Variants in ADIPOR2 observed in about 807,000 individuals in gnomAD.
ADIPOR2 encodes adiponectin receptor 2.
Under a neutral mutation model 40.9 loss-of-function variants are expected in ADIPOR2, and 18 were observed. That is an observed-to-expected ratio of 0.44 (90% CI 0.30 to 0.65). The LOEUF (loss-of-function observed/expected upper bound fraction) is 0.65. Among genes scored for constraint, ADIPOR2 ranks in the 30% least tolerant of loss-of-function variants. The pLI, the probability that ADIPOR2 is intolerant of heterozygous loss-of-function variation, is 0.09. For synonymous variants in ADIPOR2, 165 were observed against 166.4 expected (o/e 0.99, Z 0.06); for missense variants, 283 against 479.2 (o/e 0.59, Z 3.82).
intron 1 of ADIPOR2, among the ~76,000 whole-genome samples, chr12:1,753,675 G>C (rs1167626289): frequency 6.6e-6 from 1 of 152,102 alleles, no homozygotes; most frequent in African/African-American, 2.4e-5. Context: ...TATAAAGTAT[G>C]GTGAATTTTG....
chr12:1,767,587 A>T (rs970163335), intron 2 of ADIPOR2, among the ~76,000 whole-genome samples: 1 of 152,098 alleles, frequency 6.6e-6, no homozygotes, highest in African/African-American at 2.4e-5. Flanking sequence ...CCAATTTCTA[A>T]AGTTAAGGCT....
intron 1 of ADIPOR2, among the ~76,000 whole-genome samples, chr12:1,705,858 C>A (rs2094661179): frequency 6.6e-6 from 1 of 152,160 alleles, no homozygotes; most frequent in African/African-American, 2.4e-5. Context: ...AAAGCATGGA[C>A]TTTGAAGTCA....
intron 2 of ADIPOR2, 157 bp from the exon 3 acceptor site, chr12:1,772,685 T>TGACTAATATA (rs1592627648): frequency 1.2e-6 from 1 of 867,972 alleles, no homozygotes; most frequent in East Asian, 2.9e-5. Flanking sequence ...TTAATACTAA[T>TGACTAATATA]AATTCTATAA....
chr12:1,739,423 A>G (rs889171440), intron 1 of ADIPOR2, among the ~76,000 whole-genome samples: 2 of 152,228 alleles, frequency 1.3e-5, no homozygotes, highest in Non-Finnish European at 2.9e-5. Flanking sequence ...AGCAAACTAT[A>G]GCTAGCCCCT....
intron 1 of ADIPOR2, among the ~76,000 whole-genome samples, chr12:1,727,493 AT>A (rs1277948034): frequency 1.3e-5 from 2 of 152,178 alleles, no homozygotes; most frequent in Non-Finnish European, 2.9e-5. Context: ...TTCTTTATTA[AT>A]TAAAGACCTC....
chr12:1,754,798 T>C (rs1257904058), intron 2 of ADIPOR2, among the ~76,000 whole-genome samples: 4 of 151,902 alleles, frequency 2.6e-5, no homozygotes, highest in African/African-American at 9.7e-5. Context: ...AGTAGCATGA[T>C]CTCGGCTCGC....
At chr12:1,761,393 T>G (rs2154443790) in intron 2 of ADIPOR2, among the ~76,000 whole-genome samples, 1 of 152,324 alleles carries the variant, frequency 6.6e-6, no homozygotes, top group East Asian at 1.9e-4. Flanking sequence ...GGGATTTTTC[T>G]GGGTTATATG....
chr12:1,757,405 C>T (rs1409514596), intron 2 of ADIPOR2: 1 of 726,492 alleles, frequency 1.4e-6, no homozygotes, highest in Non-Finnish European at 2.5e-6. Context: ...ATGTGAACCA[C>T]ATCAAAAGAT....
chr12:1,706,775 C>G (rs2154441609), intron 1 of ADIPOR2, among the ~76,000 whole-genome samples: 1 of 152,268 alleles, frequency 6.6e-6, no homozygotes, highest in East Asian at 1.9e-4. Context: ...ACACCCCTCC[C>G]CTCCTCTGGT....
At chr12:1,735,237 T>G (rs563995755) in intron 1 of ADIPOR2, among the ~76,000 whole-genome samples, 2 of 152,336 alleles carry the variant, frequency 1.3e-5, no homozygotes, top group African/African-American at 4.8e-5. Context: ...GCATGGAATG[T>G]TCTTCCATTT....
chr12:1,694,060 CTACTT>C (rs1278109613), intron 1 of ADIPOR2, among the ~76,000 whole-genome samples: 1 of 152,200 alleles, frequency 6.6e-6, no homozygotes, highest in Non-Finnish European at 1.5e-5. Context: ...ACAATTTCCA[CTACTT>C]TACGTGTATG....
At chr12:1,777,378 C>T (rs7306506) in intron 3 of ADIPOR2, among the ~76,000 whole-genome samples, 59,229 of 136,022 alleles carry the variant, frequency 0.44, 14,153 homozygotes, top group Non-Finnish European at 0.56. Flanking sequence ...TATATTTTTT[C>T]TTTCTTTTTT....
intron 1 of ADIPOR2, among the ~76,000 whole-genome samples, chr12:1,747,721 T>TTTGA (rs1565647089): frequency 1.3e-5 from 2 of 152,118 alleles, no homozygotes; most frequent in African/African-American, 4.8e-5. Flanking sequence ...TTTTCTTTTA[T>TTTGA]TTGAACACTT....
rs572087328 is a variant in ADIPOR2 at position 1,725,306 on chromosome 12, C to T, written c.-86-28952C>T. Reference sequence around the variant, plus strand: ...CTGGTTAATTTTTGTATAGTAGAGACGGGGTTTCACTATATGTTGGCCAGG... The same window carrying T: ...CTGGTTAATTTTTGTATAGTAGAGATGGGGTTTCACTATATGTTGGCCAGG... On this transcript the variant is annotated intron_variant, in intron 1 of 7. Transcript: ENST00000357103. Among the ~76,000 whole-genome samples, 25 of 149,628 alleles carry T rather than the reference C, an allele frequency of 1.7e-4. No individual in the cohort carries two copies. In the East Asian group the frequency reaches 2.2e-3, roughly 13 times the overall value.
intron 3 of ADIPOR2, 28 bp downstream of exon 3, chr12:1,772,989 A>C: frequency 6.2e-7 from 1 of 1,610,050 alleles, no homozygotes; most frequent in Non-Finnish European, 8.5e-7. Flanking sequence ...TGTCATTGTC[A>C]TGCTATATAT....
intron 5 of ADIPOR2, 117 bp downstream of exon 5, chr12:1,780,754 T>A (rs10848575): frequency 0.83 from 1,056,153 of 1,273,370 alleles, 436,867 homozygotes; most frequent in East Asian, 0.97. Context: ...TTTTTTTTTT[T>A]TAAAAATTAA....
intron 1 of ADIPOR2, among the ~76,000 whole-genome samples, chr12:1,738,476 A>G (rs2094735910): frequency 6.6e-6 from 1 of 152,184 alleles, no homozygotes; most frequent in Non-Finnish European, 1.5e-5. Context: ...CATTTTAGAG[A>G]AAAACATTCA....
intron 1 of ADIPOR2, among the ~76,000 whole-genome samples, chr12:1,739,237 A>C (rs2094737565): frequency 6.6e-6 from 1 of 152,154 alleles, no homozygotes; most frequent in African/African-American, 2.4e-5. Flanking sequence ...CGTGTAGTCT[A>C]ATGGGAGACA....
At chr12:1,723,835 A>G (rs1240021330) in intron 1 of ADIPOR2, among the ~76,000 whole-genome samples, 2 of 152,186 alleles carry the variant, frequency 1.3e-5, no homozygotes, top group Admixed American at 6.5e-5. Context: ...GTATATACTC[A>G]AAAGAACTGA....
Sources: allele counts gnomAD v4.1 joint callset (sites outside exome capture counted in the v4.1 genomes callset), GRCh38; gene constraint gnomAD v4.1.1; transcripts MANE v1.5; gene names NCBI Gene and HGNC (gene_info 2026-07-23, HGNC 2026-07-21).